MTF2: variants seen among roughly 807,000 people sequenced by gnomAD.
MTF2 encodes the protein metal-response element-binding transcription factor 2.
In MTF2, 11 loss-of-function variants were observed where a neutral mutation model predicts 79.5. The ratio of observed to expected loss-of-function variants is 0.14; its 90% confidence interval spans 0.09 to 0.23. The LOEUF is 0.23. Among genes scored for constraint, MTF2 ranks in the 10% least tolerant of loss-of-function variants. The pLI is 1.00. For missense variants in MTF2, 486 were observed against 711.2 expected, an observed-to-expected ratio of 0.68 and a Z score of 3.60; for synonymous variants, 208 against 232.8, an observed-to-expected ratio of 0.89 and a Z score of 0.97.
intron 9 of MTF2, chr1:93,121,167 C>T: frequency 2.0e-6 from 2 of 984,562 alleles, no homozygotes; most frequent in South Asian, 4.7e-5. Context: ...AAAATTATCC[C>T]CTCTCATTCT....
chr1:93,127,354 G>T, intron 10 of MTF2, 55 bp downstream of exon 10: 1 of 1,126,528 alleles, frequency 8.9e-7, no homozygotes, highest in South Asian at 1.3e-5. Context: ...TAAGTATAAG[G>T]AATAATGGCA....
chr1:93,131,290 A>G (rs373527653), intron 11 of MTF2, among the ~76,000 whole-genome samples: 8 of 152,238 alleles, frequency 5.3e-5, no homozygotes, highest in African/African-American at 1.9e-4. Flanking sequence ...TAGGTATATT[A>G]AAGTGTATTG....
At chr1:93,105,677 G>T (rs955199469) in intron 1 of MTF2, among the ~76,000 whole-genome samples, 16 of 151,490 alleles carry the variant, frequency 1.1e-4, no homozygotes, top group African/African-American at 3.9e-4. Context: ...TTGTGTGTGT[G>T]TGTGTTTTTT....
chr1:93,079,481 G>A lies in MTF2; in HGVS notation c.-46G>A. ...GGGAAGCGCCCACGGGGACGGATTGGTTGTTTTTTCCTGTATGAAGCGGTT... is the reference window on the plus strand; with the variant it reads ...GGGAAGCGCCCACGGGGACGGATTGATTGTTTTTTCCTGTATGAAGCGGTT... On this transcript the variant is annotated 5_prime_UTR_variant, in exon 1 of 15. Coordinates refer to ENST00000370298, the MANE Select transcript of MTF2 (RefSeq NM_007358.4). The A allele has an allele frequency of 6.2e-7, 1 of 1,613,812 alleles. No homozygotes were observed. The highest frequency in any genetic ancestry group is 1.1e-5 in the South Asian group (1 of 90,922).
intron 1 of MTF2, among the ~76,000 whole-genome samples, chr1:93,089,349 AGTGT>A (rs1654977221): frequency 6.6e-6 from 1 of 152,214 alleles, no homozygotes; most frequent in Non-Finnish European, 1.5e-5. Flanking sequence ...TTTACTTACT[AGTGT>A]GTGTATTGAT....
chr1:93,131,499 A>G (rs558515831), intron 11 of MTF2, among the ~76,000 whole-genome samples: 1 of 152,288 alleles, frequency 6.6e-6, no homozygotes, highest in African/African-American at 2.4e-5. Flanking sequence ...TATCAGGGAC[A>G]CAGGCAGATT....
chr1:93,085,592 TC>T (rs959154614), intron 1 of MTF2, among the ~76,000 whole-genome samples: 2 of 151,486 alleles, frequency 1.3e-5, no homozygotes, highest in African/African-American at 4.8e-5. Flanking sequence ...GCTCAAGTGA[TC>T]CTTCCACCTC....
chr1:93,109,711 A>G (rs780073048), intron 1 of MTF2, among the ~76,000 whole-genome samples: 1 of 151,990 alleles, frequency 6.6e-6, no homozygotes, highest in African/African-American at 2.4e-5. Context: ...CTCAGTCTGC[A>G]TATTTGCTCA....
intron 1 of MTF2, among the ~76,000 whole-genome samples, chr1:93,089,627 C>T (rs936558525): frequency 2.0e-5 from 3 of 152,148 alleles, no homozygotes; most frequent in African/African-American, 4.8e-5. Context: ...CACTGTATCA[C>T]GGTAGCGTTT....
At chr1:93,129,192 G>C in intron 10 of MTF2, 86 bp from the exon 11 acceptor site, 4 of 918,722 alleles carry the variant, frequency 4.4e-6, no homozygotes, top group Non-Finnish European at 6.1e-6. Context: ...CAAGTATAAG[G>C]GCCTTATATA....
chr1:93,134,868 T>G (rs1346515823), intron 14 of MTF2, among the ~76,000 whole-genome samples: 1 of 152,046 alleles, frequency 6.6e-6, no homozygotes, highest in African/African-American at 2.4e-5. Context: ...ACCTAAATCC[T>G]TTTGTCCATA....
intron 11 of MTF2, among the ~76,000 whole-genome samples, chr1:93,131,842 G>A (rs1656930027): frequency 6.6e-6 from 1 of 152,184 alleles, no homozygotes; most frequent in Non-Finnish European, 1.5e-5. Flanking sequence ...AGAAGGAGAA[G>A]CATCCTTCTG....
chr1:93,082,633 A>G (rs1654654431), intron 1 of MTF2, among the ~76,000 whole-genome samples: 2 of 152,140 alleles, frequency 1.3e-5, no homozygotes, highest in Non-Finnish European at 2.9e-5. Context: ...GTTTACATAT[A>G]TTGAAATGCA....
At chr1:93,135,517 A>T (rs1287216902) in intron 14 of MTF2, among the ~76,000 whole-genome samples, 1 of 152,160 alleles carries the variant, frequency 6.6e-6, no homozygotes, top group Admixed American at 6.5e-5. Flanking sequence ...GCTTTTTACA[A>T]ATATTGTCTT....
chr1:93,128,049 C>G (rs886084226), intron 10 of MTF2, among the ~76,000 whole-genome samples: 3 of 151,786 alleles, frequency 2.0e-5, no homozygotes, highest in Admixed American at 2.0e-4. Context: ...ATCTTTACAC[C>G]AGCTCAAAAA....
Position 93,137,357 on chromosome 1 carries a change from A to G in MTF2, c.*330A>G, listed in dbSNP as rs1647444382. The G allele has an allele frequency of 5.2e-6, 1 of 192,050 alleles. No homozygotes were observed. Among genetic ancestry groups the G allele is most frequent in the African/African-American group, 2.3e-5 (1 of 42,616 alleles). The allele number at this position is 192,050 out of a possible 1,614,324, so 11.9% of individuals were successfully genotyped here. A position where few individuals can be genotyped will look rare whatever the true frequency, so the allele number is the denominator to read the frequency against. ...TATTCCATTGAGTCAGTTTTTTGTG[A>G]TTAGTGATTATCAGAGCAAACATCA... On this transcript the variant is annotated 3_prime_UTR_variant, in exon 15 of 15. Coordinates refer to ENST00000370298, the MANE Select transcript of MTF2 (RefSeq NM_007358.4).
intron 1 of MTF2, among the ~76,000 whole-genome samples, chr1:93,094,244 A>G (rs1655190554): frequency 6.6e-6 from 1 of 151,816 alleles, no homozygotes; most frequent in Non-Finnish European, 1.5e-5. Flanking sequence ...TAATTTTCTT[A>G]ATCTGTTTTC....
intron 9 of MTF2, chr1:93,121,159 A>T (rs1656460068): frequency 2.0e-6 from 2 of 984,812 alleles, no homozygotes; most frequent in African/African-American, 1.7e-5. Context: ...CTGAATAGAA[A>T]ATTATCCCCT....
chr1:93,108,054 G>A (rs897911898), intron 1 of MTF2, among the ~76,000 whole-genome samples: 13 of 152,184 alleles, frequency 8.5e-5, no homozygotes, highest in African/African-American at 2.4e-4. Context: ...GATTACAGGC[G>A]TCAGCCATGC....
Sources: allele counts gnomAD v4.1 joint callset (sites outside exome capture counted in the v4.1 genomes callset), GRCh38; gene constraint gnomAD v4.1.1; transcripts MANE v1.5; gene names NCBI Gene and HGNC (gene_info 2026-07-23, HGNC 2026-07-21).